The following SNX18 variants were observed in gnomAD, a reference collection of about 807,000 sequenced individuals.
SNX18 encodes the protein sorting nexin 18, also known as sorting nexin-18.
SNX18 carries 35 observed loss-of-function variants against 48.7 expected under a neutral mutation model. That is an observed-to-expected ratio of 0.72 (90% CI 0.55 to 0.95). SNX18 has a LOEUF of 0.95. Ranked by LOEUF, SNX18 falls within the 40% of genes least tolerant of loss-of-function variation. The probability of loss-of-function intolerance (pLI) is 0.00; values close to 1 mark genes in which losing one functional copy is unlikely to be tolerated. For missense variants in SNX18, 824 were observed against 871.0 expected (o/e 0.95, Z 0.68); for synonymous variants, 492 against 384.7 (o/e 1.28, Z -3.26).
At chr5:54,643,319 A>C in the SNX18 span, among the ~76,000 whole-genome samples, 4 of 152,222 alleles carry the variant, frequency 2.6e-5, no homozygotes, top group Non-Finnish European at 5.9e-5. Flanking sequence ...GTCACATCTT[A>C]AAATAAACTT....
chr5:54,647,962 G>A, the SNX18 span, among the ~76,000 whole-genome samples: 1 of 151,724 alleles, frequency 6.6e-6, no homozygotes, highest in African/African-American at 2.4e-5. Context: ...AGGAATGCTG[G>A]TGTGTGCGGA....
rs749030136 is a variant in SNX18 at position 54,545,729 on chromosome 5, G to T, written c.*2297G>T. 6.6e-6 allele frequency: 1 copy of T among 151,982 alleles called. No homozygotes were observed. The allele number at this position is 151,982 out of a possible 1,614,324, so 9.4% of individuals were successfully genotyped here. A position where few individuals can be genotyped will look rare whatever the true frequency, so the allele number is the denominator to read the frequency against. On this transcript the variant is annotated 3_prime_UTR_variant, in exon 2 of 2. Transcript: ENST00000381410. ...TCATCTAAGATCTTTATTCTCTAAC[G>T]TTCTTGGTCCTATTGAAACATTGCA...
the SNX18 span, among the ~76,000 whole-genome samples, chr5:54,616,228 G>T: frequency 2.0e-5 from 3 of 152,296 alleles, no homozygotes; most frequent in Admixed American, 6.5e-5. Context: ...TTGTGGAGAA[G>T]AATAGCTAGC....
the SNX18 span, among the ~76,000 whole-genome samples, chr5:54,600,384 T>A: frequency 6.6e-6 from 1 of 152,162 alleles, no homozygotes; most frequent in Admixed American, 6.5e-5. Context: ...TTGGTGGGAA[T>A]GTAAATTAGT....
the SNX18 span, among the ~76,000 whole-genome samples, chr5:54,570,674 A>T: frequency 6.6e-6 from 1 of 152,192 alleles, no homozygotes; most frequent in Non-Finnish European, 1.5e-5. Context: ...AGATCAAGTA[A>T]CTTGTCACCA....
At chr5:54,619,485 C>T in the SNX18 span, among the ~76,000 whole-genome samples, 1 of 152,288 alleles carries the variant, frequency 6.6e-6, no homozygotes, top group Non-Finnish European at 1.5e-5. Context: ...GCACTCCAGC[C>T]TGGGTGACAG....
the SNX18 span, among the ~76,000 whole-genome samples, chr5:54,618,193 C>T: frequency 3.3e-5 from 5 of 152,164 alleles, no homozygotes; most frequent in South Asian, 2.1e-4. Flanking sequence ...GCACTTCTCT[C>T]GCCTGCCGCC....
chr5:54,554,911 A>G, the SNX18 span, among the ~76,000 whole-genome samples: 1 of 152,148 alleles, frequency 6.6e-6, no homozygotes, highest in Non-Finnish European at 1.5e-5. Context: ...CCCTCCTCCA[A>G]AAGGAAGATT....
At chr5:54,521,002 T>C (rs973678681) in intron 1 of SNX18, 2 of 166,038 alleles carry the variant, frequency 1.2e-5, no homozygotes, top group African/African-American at 4.8e-5. Flanking sequence ...TGTATTTACA[T>C]TACCTATGCC....
the SNX18 span, among the ~76,000 whole-genome samples, chr5:54,569,778 G>T: frequency 6.6e-6 from 1 of 152,106 alleles, no homozygotes; most frequent in African/African-American, 2.4e-5. Context: ...TAAGGTAGAA[G>T]TTGGGTAGCC....
chr5:54,587,369 A>T, the SNX18 span, among the ~76,000 whole-genome samples: 1 of 152,212 alleles, frequency 6.6e-6, no homozygotes, highest in Non-Finnish European at 1.5e-5. Flanking sequence ...ATACATCAAC[A>T]GTATATAAAT....
At chr5:54,541,754 T>A (rs1350391091) in intron 1 of SNX18, among the ~76,000 whole-genome samples, 1 of 152,208 alleles carries the variant, frequency 6.6e-6, no homozygotes, top group Non-Finnish European at 1.5e-5. Context: ...CGTACATATA[T>A]ATGGATGAAA....
At chr5:54,640,234 A>G in the SNX18 span, among the ~76,000 whole-genome samples, 5 of 150,664 alleles carry the variant, frequency 3.3e-5, no homozygotes, top group African/African-American at 7.3e-5. Flanking sequence ...CTTTTGTAAG[A>G]CAAGGTTTCA....
the SNX18 span, among the ~76,000 whole-genome samples, chr5:54,591,170 T>G: frequency 8.8e-4 from 1 of 1,130 alleles, no homozygotes; most frequent in South Asian, 0.17. Context: ...GTTTTTTGGG[T>G]TTTTTTTTTG....
At chr5:54,552,778 G>A in the SNX18 span, among the ~76,000 whole-genome samples, 1 of 152,062 alleles carries the variant, frequency 6.6e-6, no homozygotes, top group Non-Finnish European at 1.5e-5. Flanking sequence ...TAGTAGGTGA[G>A]GCAATAATAA....
At chr5:54,571,333 T>C in the SNX18 span, among the ~76,000 whole-genome samples, 3 of 152,156 alleles carry the variant, frequency 2.0e-5, no homozygotes, top group African/African-American at 7.2e-5. Context: ...TGGGTTTTTT[T>C]CTTCTATAGT....
At chr5:54,639,297 A>T in the SNX18 span, among the ~76,000 whole-genome samples, 12 of 151,696 alleles carry the variant, frequency 7.9e-5, no homozygotes, top group East Asian at 3.9e-4. Context: ...TTAAAAAAAA[A>T]TTTTTCAGAA....
At chr5:54,637,789 C>T in the SNX18 span, among the ~76,000 whole-genome samples, 1 of 152,126 alleles carries the variant, frequency 6.6e-6, no homozygotes, top group Non-Finnish European at 1.5e-5. Context: ...GGTGCCGGGC[C>T]CTCTGGAGGG....
At chr5:54,618,758 A>T in the SNX18 span, among the ~76,000 whole-genome samples, 129 of 152,294 alleles carry the variant, frequency 8.5e-4, no homozygotes, top group Admixed American at 6.5e-4. Context: ...ACATCTCCAT[A>T]TGGAAGCTTT....
Sources: gnomAD v4.1 joint callset for allele counts (sites outside exome capture counted in the v4.1 genomes callset) on GRCh38, gnomAD v4.1.1 for gene constraint, MANE v1.5 for transcripts, NCBI Gene and HGNC (gene_info 2026-07-23, HGNC 2026-07-21) for gene names.